The following RARB variants were observed in gnomAD, a reference collection of about 807,000 sequenced individuals.
The protein encoded by RARB is HBV-activated protein.
A neutral mutation model predicts 51.9 loss-of-function variants in RARB; 17 were observed. The ratio of observed to expected loss-of-function variants is 0.33; its 90% confidence interval spans 0.22 to 0.49. The LOEUF (loss-of-function observed/expected upper bound fraction) is 0.49. Among genes scored for constraint, RARB ranks in the 20% least tolerant of loss-of-function variants. RARB has a pLI of 0.99. For synonymous variants in RARB, 215 were observed against 195.4 expected, an observed-to-expected ratio of 1.10 and a Z score of -0.84; for missense variants, 369 against 550.8, an observed-to-expected ratio of 0.67 and a Z score of 3.30.
chr3:24,969,417 AACAG>A (rs1436737875), intron 2 of RARB, among the ~76,000 whole-genome samples: 6 of 152,106 alleles, frequency 3.9e-5, no homozygotes, highest in Non-Finnish European at 8.8e-5. Flanking sequence ...TGATGTCAGT[AACAG>A]CTTATTTCCC....
chr3:25,118,486 C>T (rs1379084637), intron 3 of RARB, among the ~76,000 whole-genome samples: 2 of 152,102 alleles, frequency 1.3e-5, no homozygotes. Context: ...ACCACTTTGT[C>T]TGAGCAAAGA....
chr3:24,974,179 A>G (rs893256169), intron 2 of RARB, among the ~76,000 whole-genome samples: 1 of 152,090 alleles, frequency 6.6e-6, no homozygotes, highest in Non-Finnish European at 1.5e-5. Flanking sequence ...ATTTTACCAA[A>G]AGATTTTCCA....
intron 3 of RARB, among the ~76,000 whole-genome samples, chr3:25,566,064 A>G (rs550868457): frequency 6.6e-6 from 1 of 152,252 alleles, no homozygotes; most frequent in Non-Finnish European, 1.5e-5. Flanking sequence ...AAAGGGACCA[A>G]TAGTCCCAAG....
intron 3 of RARB, among the ~76,000 whole-genome samples, chr3:25,501,977 C>G (rs978560566): frequency 1.3e-5 from 2 of 152,162 alleles, no homozygotes; most frequent in African/African-American, 4.8e-5. Flanking sequence ...GTGTACACTG[C>G]AACAAATTTC....
intron 2 of RARB, among the ~76,000 whole-genome samples, chr3:25,046,230 A>T (rs1394914533): frequency 6.6e-6 from 1 of 152,218 alleles, no homozygotes; most frequent in East Asian, 1.9e-4. Context: ...GGGTAGACTG[A>T]TAAGCTCAAA....
intron 2 of RARB, among the ~76,000 whole-genome samples, chr3:24,886,813 T>C (rs921144592): frequency 2.6e-5 from 4 of 152,172 alleles, no homozygotes; most frequent in African/African-American, 9.7e-5. Context: ...GGCAGTAATG[T>C]AAAAGAGAAA....
intron 3 of RARB, among the ~76,000 whole-genome samples, chr3:25,126,733 G>C (rs1419283473): frequency 2.0e-5 from 3 of 152,132 alleles, no homozygotes; most frequent in Non-Finnish European, 2.9e-5. Flanking sequence ...CTGATCAATG[G>C]AACACCAGCT....
intron 2 of RARB, among the ~76,000 whole-genome samples, chr3:25,481,729 C>T (rs1011633793): frequency 3.3e-5 from 5 of 152,228 alleles, no homozygotes; most frequent in Non-Finnish European, 7.3e-5. Context: ...CTTTCCTGGT[C>T]TCACCTTACT....
intron 5 of RARB, among the ~76,000 whole-genome samples, chr3:25,317,048 A>T (rs1044067429): frequency 2.3e-4 from 16 of 70,366 alleles, no homozygotes; most frequent in African/African-American, 7.3e-4. Context: ...GGGAAATCTT[A>T]TAACTAACTG....
chr3:25,403,969 T>G (rs1457235538), intron 5 of RARB, among the ~76,000 whole-genome samples: 1 of 151,812 alleles, frequency 6.6e-6, no homozygotes, highest in Admixed American at 6.6e-5. Context: ...AATAACTTTT[T>G]ACTGAATATT....
intron 5 of RARB, among the ~76,000 whole-genome samples, chr3:25,291,191 A>C (rs1703776720): frequency 6.6e-6 from 1 of 152,170 alleles, no homozygotes; most frequent in Non-Finnish European, 1.5e-5. Flanking sequence ...ATGTACACAA[A>C]TATACTCATA....
intron 5 of RARB, among the ~76,000 whole-genome samples, chr3:25,370,190 C>G (rs4681019): frequency 0.19 from 29,313 of 151,994 alleles, 3,638 homozygotes; most frequent in Admixed American, 0.33. Flanking sequence ...ACAAGGAAAG[C>G]AGGATGGAGG....
At chr3:25,045,384 C>G (rs138321441) in intron 2 of RARB, among the ~76,000 whole-genome samples, 7 of 152,070 alleles carry the variant, frequency 4.6e-5, no homozygotes, top group African/African-American at 1.7e-4. Context: ...GAGGCCCTTC[C>G]GAGAGAGAAA....
At chr3:25,251,123 A>G (rs1275385723) in intron 5 of RARB, among the ~76,000 whole-genome samples, 3 of 152,092 alleles carry the variant, frequency 2.0e-5, no homozygotes, top group African/African-American at 7.2e-5. Flanking sequence ...CTATTCAGCC[A>G]CCTTGAATAT....
chr3:25,561,071 T>C (rs956055491), intron 3 of RARB, among the ~76,000 whole-genome samples: 1 of 152,232 alleles, frequency 6.6e-6, no homozygotes, highest in African/African-American at 2.4e-5. Context: ...TAAGAGACTA[T>C]CCTGAGCTTA....
At chr3:25,259,106 CA>C in intron 5 of RARB, 1 of 979,358 alleles carries the variant, frequency 1.0e-6, no homozygotes, top group Non-Finnish European at 1.2e-6. Flanking sequence ...CTGTCTCATT[CA>C]AAATGACAAT....
chr3:25,268,898 C>T (rs892037456), intron 5 of RARB, among the ~76,000 whole-genome samples: 1 of 152,166 alleles, frequency 6.6e-6, no homozygotes, highest in East Asian at 1.9e-4. Context: ...CCTGTCAAAC[C>T]ACCCAACACC....
rs1701011432 is a variant in RARB at position 25,187,769 on chromosome 3, T to C, written c.178+13194T>C. On this transcript the variant is annotated intron_variant, in intron 5 of 11. Coordinates refer to the RARB transcript ENST00000383772. ...TGTGGAGAAAGAAAATTAATATCTC[T>C]TTTCTGTGAAATAATTTTGAACTTA... Among the ~76,000 whole-genome samples the C allele has an allele frequency of 2.0e-5, 3 of 152,200 alleles. No homozygotes were observed. In the South Asian group the frequency reaches 6.2e-4, roughly 32 times the overall value.
chr3:25,274,835 G>A (rs1703341066), intron 5 of RARB, among the ~76,000 whole-genome samples: 3 of 152,084 alleles, frequency 2.0e-5, no homozygotes, highest in East Asian at 1.9e-4. Flanking sequence ...GCTCAGGGTC[G>A]GGACTGGCAG....
Sources: gnomAD v4.1 joint callset for allele counts (sites outside exome capture counted in the v4.1 genomes callset) on GRCh38, gnomAD v4.1.1 for gene constraint, MANE v1.5 for transcripts, NCBI Gene and HGNC (gene_info 2026-07-23, HGNC 2026-07-21) for gene names.